The following CSRNP3 variants were observed in gnomAD, a reference collection of about 807,000 sequenced individuals.
CSRNP3 encodes the protein cysteine and serine rich nuclear protein 3.
CSRNP3 carries 12 observed loss-of-function variants against 48.0 expected under a neutral mutation model. The ratio of observed to expected loss-of-function variants is 0.25; its 90% CI spans 0.16 to 0.41. The LOEUF (loss-of-function observed/expected upper bound fraction) is 0.41, where lower values mean the gene tolerates loss of function less well. Among genes scored for constraint, CSRNP3 ranks in the 10% least tolerant of loss-of-function variants. CSRNP3 has a pLI of 1.00. For missense variants in CSRNP3, 580 were observed against 724.4 expected (o/e 0.80, Z 2.29); for synonymous variants, 263 against 269.7 (o/e 0.98, Z 0.24).
At chr2:165,607,702 T>A (rs1686055135) in intron 4 of CSRNP3, among the ~76,000 whole-genome samples, 1 of 152,150 alleles carries the variant, frequency 6.6e-6, no homozygotes. Flanking sequence ...ATATGTAGGT[T>A]TGCTCTGATG....
At chr2:165,492,972 G>A (rs116508855) in intron 1 of CSRNP3, among the ~76,000 whole-genome samples, 1,738 of 149,996 alleles carry the variant, frequency 0.012, 11 homozygotes, top group South Asian at 0.02. Context: ...GGTGTTCAGC[G>A]TAGAGGCCGA....
chr2:165,545,061 G>A (rs1685006513), intron 3 of CSRNP3, among the ~76,000 whole-genome samples: 1 of 152,160 alleles, frequency 6.6e-6, no homozygotes, highest in African/African-American at 2.4e-5. Context: ...GCGACTGGTT[G>A]TGTCAAGTGT....
chr2:165,558,315 G>A (rs1407985011), intron 3 of CSRNP3, among the ~76,000 whole-genome samples: 1 of 152,172 alleles, frequency 6.6e-6, no homozygotes, highest in Non-Finnish European at 1.5e-5. Flanking sequence ...TATACTGCCA[G>A]CCTGGATCTT....
intron 4 of CSRNP3, among the ~76,000 whole-genome samples, chr2:165,646,348 C>T (rs1034368194): frequency 6.6e-6 from 1 of 151,796 alleles, no homozygotes; most frequent in African/African-American, 2.4e-5. Flanking sequence ...TGTTTTGTTT[C>T]TTTGTTGTTG....
intron 4 of CSRNP3, among the ~76,000 whole-genome samples, chr2:165,639,484 C>T (rs1351211567): frequency 6.6e-6 from 1 of 152,134 alleles, no homozygotes; most frequent in African/African-American, 2.4e-5. Flanking sequence ...GTTATATACA[C>T]GGCTGAGTAA....
rs370764918 is a variant in CSRNP3, at chr2:165,678,854, A to G, written c.859A>G (p.Thr287Ala). 4.7e-5 allele frequency: 76 copies of G among 1,613,944 alleles called. No homozygotes were observed. The highest frequency in any genetic ancestry group is 6.4e-5 in the Non-Finnish European group (76 of 1,180,000). Residue 287 changes from threonine (T) to alanine (A), a missense_variant, in exon 7 of 7, where the codon ACG (threonine) becomes GCG (alanine). This residue lies in a region of CSRNP3 where 369 missense variants were observed against 380.8 expected (regional missense o/e 0.97). Transcript: ENST00000651982. ...LEKNREQQIP[T>A]LNGCHSEISA... The stretch of plus-strand genomic sequence containing the variant: ...GAAAAACCGAGAGCAGCAAATCCCC[A>G]CGCTGAATGGCTGCCACAGTGAGAT...
intron 3 of CSRNP3, among the ~76,000 whole-genome samples, chr2:165,524,513 T>A (rs1684707680): frequency 6.6e-6 from 1 of 152,200 alleles, no homozygotes; most frequent in African/African-American, 2.4e-5. Context: ...TACAGTTTTG[T>A]GAGTTTTGAC....
chr2:165,580,832 A>T (rs1438089643), intron 3 of CSRNP3, among the ~76,000 whole-genome samples: 2 of 150,960 alleles, frequency 1.3e-5, no homozygotes, highest in African/African-American at 4.9e-5. Flanking sequence ...AATAATAATA[A>T]TTTTTAATTC....
intron 4 of CSRNP3, among the ~76,000 whole-genome samples, chr2:165,627,736 T>C (rs925191698): frequency 6.6e-6 from 1 of 152,108 alleles, no homozygotes; most frequent in Non-Finnish European, 1.5e-5. Context: ...CACAATCGAC[T>C]CCTCCCACCA....
At chr2:165,674,681 AATATATATATATATATAT>A (rs59117817) in intron 5 of CSRNP3, among the ~76,000 whole-genome samples, 3,033 of 103,204 alleles carry the variant, frequency 0.029, 80 homozygotes, top group Middle Eastern at 0.068. Flanking sequence ...AATACTTCTG[AATATATATATATATATAT>A]ATATATATAT....
chr2:165,605,206 T>G (rs896294844), intron 4 of CSRNP3, among the ~76,000 whole-genome samples: 1 of 152,058 alleles, frequency 6.6e-6, no homozygotes, highest in African/African-American at 2.4e-5. Flanking sequence ...TGTACTCCCT[T>G]CCTATGCTTG....
At chr2:165,652,439 C>A (rs1177688912) in intron 4 of CSRNP3, among the ~76,000 whole-genome samples, 1 of 150,126 alleles carries the variant, frequency 6.7e-6, no homozygotes, top group African/African-American at 2.5e-5. Context: ...GCGGAGGTTG[C>A]AGTGAGTTGA....
chr2:165,592,249 T>C (rs1461461281), intron 3 of CSRNP3, among the ~76,000 whole-genome samples: 1 of 152,264 alleles, frequency 6.6e-6, no homozygotes, highest in East Asian at 1.9e-4. Flanking sequence ...TGCATGGGCC[T>C]GTAGCCCCTT....
At chr2:165,497,980 C>T (rs1188330835) in intron 2 of CSRNP3, among the ~76,000 whole-genome samples, 2 of 151,964 alleles carry the variant, frequency 1.3e-5, no homozygotes, top group Non-Finnish European at 2.9e-5. Context: ...CTTTTTGTGG[C>T]TTTAGGGCAG....
At chr2:165,470,773 CT>C (rs996400905) in intron 1 of CSRNP3, among the ~76,000 whole-genome samples, 5 of 151,896 alleles carry the variant, frequency 3.3e-5, no homozygotes, top group Admixed American at 3.3e-4. Flanking sequence ...GTGGTAGAAC[CT>C]CATTAAAATT....
intron 3 of CSRNP3, among the ~76,000 whole-genome samples, chr2:165,563,137 T>C (rs1685255359): frequency 6.6e-6 from 1 of 152,214 alleles, no homozygotes; most frequent in Non-Finnish European, 1.5e-5. Context: ...AAACACTATG[T>C]AATGACTGGT....
intron 4 of CSRNP3, among the ~76,000 whole-genome samples, chr2:165,618,279 G>A (rs913310616): frequency 1.3e-5 from 2 of 152,158 alleles, no homozygotes; most frequent in African/African-American, 4.8e-5. Flanking sequence ...TGGCTGCTTT[G>A]CTTTCCTCTC....
rs56146559 is a variant in CSRNP3 at position 165,611,379 on chromosome 2, G to GTGTGTGTGTATA, written c.148+16167_148+16168insGTGTGTGTATAT. Among the ~76,000 whole-genome samples the GTGTGTGTGTATA allele has an allele frequency of 2.6e-3, 388 of 151,058 alleles. 8 individuals carry two copies. Among genetic ancestry groups the GTGTGTGTGTATA allele is most frequent in the Admixed American group, 0.016 (250 of 15,182 alleles). On this transcript the variant is annotated intron_variant, in intron 4 of 6. Transcript: ENST00000651982. ...TCACGATATATGTGTGTGTGTGTGT[G>GTGTGTGTGTATA]TATATACATACATATATATATGTAT...
chr2:165,546,764 A>G (rs184110518), intron 3 of CSRNP3, among the ~76,000 whole-genome samples: 1 of 152,348 alleles, frequency 6.6e-6, no homozygotes, highest in East Asian at 1.9e-4. Flanking sequence ...TTTATTACCT[A>G]GAAGAAAGGA....
Sources: gnomAD v4.1 joint callset for allele counts (sites outside exome capture counted in the v4.1 genomes callset) on GRCh38, gnomAD v4.1.1 for gene constraint, gnomAD v4.1.1 regional missense constraint, MANE v1.5 for transcripts, NCBI Gene and HGNC (gene_info 2026-07-23, HGNC 2026-07-21) for gene names.